TMEM117: variants seen among roughly 807,000 people sequenced by gnomAD.
TMEM117 encodes the protein transmembrane protein 117.
In TMEM117, 27 loss-of-function variants were observed where a neutral mutation model predicts 52.4. The ratio of observed to expected loss-of-function variants is 0.51; its 90% confidence interval spans 0.38 to 0.71. The LOEUF (loss-of-function observed/expected upper bound fraction) is 0.71. Among genes scored for constraint, TMEM117 ranks in the 30% least tolerant of loss-of-function variants. The probability of loss-of-function intolerance (pLI) is 0.00; values close to 1 mark genes in which losing one functional copy is unlikely to be tolerated. For synonymous variants in TMEM117, 215 were observed against 206.3 expected (o/e 1.04, Z -0.36); for missense variants, 556 against 630.5 (o/e 0.88, Z 1.26).
Position 44,213,360 on chromosome 12 carries a change from G to A in TMEM117, c.608+1973G>A, listed in dbSNP as rs759163051. On this transcript the variant is annotated intron_variant, in intron 5 of 7. Coordinates refer to ENST00000266534, the MANE Select transcript of TMEM117 (RefSeq NM_032256.3). Reference sequence around the variant, plus strand: ...TAATGTTCATTCTTGTTTAGGTAGGGTGCTAAAGAAGAACATACAGTTCTT... The same window carrying A: ...TAATGTTCATTCTTGTTTAGGTAGGATGCTAAAGAAGAACATACAGTTCTT... Among the ~76,000 whole-genome samples the A allele has an allele frequency of 1.3e-4, 20 of 152,284 alleles. No homozygotes were observed. The East Asian group carries it at 3.3e-3, about 25-fold the overall frequency.
intron 2 of TMEM117, among the ~76,000 whole-genome samples, chr12:43,909,642 TA>T (rs1430932807): frequency 6.6e-6 from 1 of 151,794 alleles, no homozygotes; most frequent in Non-Finnish European, 1.5e-5. Context: ...ATAGATGCAA[TA>T]AAAAATGATA....
chr12:44,055,726 T>C (rs1010810326), intron 3 of TMEM117, among the ~76,000 whole-genome samples: 2 of 152,192 alleles, frequency 1.3e-5, no homozygotes, highest in African/African-American at 2.4e-5. Context: ...CTTAAACATA[T>C]TGAATACTAT....
At chr12:44,221,898 C>T (rs1949793889) in intron 5 of TMEM117, among the ~76,000 whole-genome samples, 2 of 152,156 alleles carry the variant, frequency 1.3e-5, no homozygotes, top group Middle Eastern at 3.4e-3. Context: ...GGGATTTCAC[C>T]ATGTTGGCCA....
At chr12:43,928,353 C>G (rs1003814568) in intron 2 of TMEM117, among the ~76,000 whole-genome samples, 2 of 151,850 alleles carry the variant, frequency 1.3e-5, no homozygotes, top group African/African-American at 4.8e-5. Flanking sequence ...ATCACCATTT[C>G]TTTTTGCCTC....
At chr12:44,152,999 C>T (rs1223467514) in intron 4 of TMEM117, among the ~76,000 whole-genome samples, 2 of 150,866 alleles carry the variant, frequency 1.3e-5, no homozygotes, top group African/African-American at 4.9e-5. Context: ...GCAGGAGGTG[C>T]TAACTAAAAG....
chr12:43,798,271 T>C, the TMEM117 span, among the ~76,000 whole-genome samples: 1 of 152,094 alleles, frequency 6.6e-6, no homozygotes, highest in South Asian at 2.1e-4. Context: ...ACAAACAGTG[T>C]ACAAAGACAA....
intron 3 of TMEM117, among the ~76,000 whole-genome samples, chr12:43,979,984 G>A (rs923106548): frequency 6.6e-6 from 1 of 152,114 alleles, no homozygotes; most frequent in Non-Finnish European, 1.5e-5. Flanking sequence ...CTTATCTCTT[G>A]ATAAGCGTCA....
intron 6 of TMEM117, among the ~76,000 whole-genome samples, chr12:44,330,735 A>G (rs949010791): frequency 3.3e-5 from 5 of 152,144 alleles, no homozygotes; most frequent in Non-Finnish European, 7.4e-5. Context: ...ACAACCAATG[A>G]TCATATGTGA....
intron 3 of TMEM117, among the ~76,000 whole-genome samples, chr12:44,018,844 C>G (rs550503092): frequency 2.0e-5 from 3 of 151,942 alleles, no homozygotes; most frequent in Admixed American, 1.3e-4. Context: ...CTCAGCCTCC[C>G]GAGTAGCTGG....
chr12:44,038,103 C>T (rs548977884), intron 3 of TMEM117, among the ~76,000 whole-genome samples: 195 of 152,236 alleles, frequency 1.3e-3, no homozygotes, highest in Admixed American at 2.9e-3. Flanking sequence ...TTTTCCTGGA[C>T]ACAGGACAAG....
At chr12:43,815,565 A>G in the TMEM117 span, among the ~76,000 whole-genome samples, 2 of 152,262 alleles carry the variant, frequency 1.3e-5, no homozygotes, top group Non-Finnish European at 2.9e-5. Context: ...AAACAGCAAC[A>G]GCAGATCATG....
intron 3 of TMEM117, chr12:44,010,057 G>A (rs1463261591): frequency 5.1e-6 from 2 of 391,644 alleles, no homozygotes; most frequent in African/African-American, 2.1e-5. Flanking sequence ...TGGGACTGGA[G>A]TTCTCTCTCA....
intron 3 of TMEM117, among the ~76,000 whole-genome samples, chr12:44,082,786 C>A (rs915846785): frequency 6.6e-6 from 1 of 152,036 alleles, no homozygotes; most frequent in African/African-American, 2.4e-5. Context: ...TACTAGTAGC[C>A]TTACACTGAA....
At chr12:44,226,815 C>T (rs1949867907) in intron 5 of TMEM117, among the ~76,000 whole-genome samples, 1 of 152,078 alleles carries the variant, frequency 6.6e-6, no homozygotes, top group Admixed American at 6.6e-5. Context: ...ACCCTGCCAA[C>T]ACCTTGATTT....
At chr12:44,021,185 T>C (rs1203095614) in intron 3 of TMEM117, among the ~76,000 whole-genome samples, 1 of 152,134 alleles carries the variant, frequency 6.6e-6, no homozygotes, top group Non-Finnish European at 1.5e-5. Context: ...CGGGGGTTTG[T>C]TGTACAGATT....
intron 6 of TMEM117, among the ~76,000 whole-genome samples, chr12:44,337,215 T>C (rs1951353168): frequency 6.6e-6 from 1 of 152,036 alleles, no homozygotes; most frequent in Admixed American, 6.6e-5. Flanking sequence ...CAGTGAGGGC[T>C]GCTCTCTGCT....
At chr12:44,178,667 C>G (rs1949148614) in intron 4 of TMEM117, among the ~76,000 whole-genome samples, 1 of 152,098 alleles carries the variant, frequency 6.6e-6, no homozygotes, top group Non-Finnish European at 1.5e-5. Context: ...GTTCTCAAAT[C>G]TATTATGTAA....
chr12:44,174,773 C>T (rs1949095903), intron 4 of TMEM117, among the ~76,000 whole-genome samples: 1 of 152,052 alleles, frequency 6.6e-6, no homozygotes, highest in Non-Finnish European at 1.5e-5. Context: ...ATGAACATTT[C>T]GTACAGAGTT....
intron 6 of TMEM117, among the ~76,000 whole-genome samples, chr12:44,337,851 T>G (rs559675703): frequency 2.0e-5 from 3 of 152,168 alleles, no homozygotes; most frequent in South Asian, 2.1e-4. Flanking sequence ...ATAAATCAAG[T>G]GCTGATGAAG....
Sources: gnomAD v4.1 joint callset for allele counts (sites outside exome capture counted in the v4.1 genomes callset) on GRCh38, gnomAD v4.1.1 for gene constraint, MANE v1.5 for transcripts, NCBI Gene and HGNC (gene_info 2026-07-23, HGNC 2026-07-21) for gene names.